SERPINB10: variants seen among roughly 807,000 people sequenced by gnomAD.
SERPINB10 encodes the protein serpin family B member 10.
In SERPINB10, 35 loss-of-function variants were observed where a neutral mutation model predicts 39.1. The ratio of observed to expected loss-of-function variants is 0.90; its 90% CI spans 0.68 to 1.19. The LOEUF (loss-of-function observed/expected upper bound fraction) is 1.19. SERPINB10 is among the 50% of genes most tolerant of loss of function. The probability of loss-of-function intolerance (pLI) is 0.00; values close to 1 mark genes in which losing one functional copy is unlikely to be tolerated. For missense variants in SERPINB10, 546 were observed against 460.5 expected (o/e 1.19, Z -1.70); for synonymous variants, 190 against 158.1 (o/e 1.20, Z -1.52).
chr18:63,936,008 C>T lies in SERPINB10; in HGVS notation c.*766C>T, dbSNP rs1218608359. On this transcript the variant is annotated 3_prime_UTR_variant, in exon 8 of 8. Transcript: ENST00000238508. ...GTACCGTGGTCATGTAAGATGTTAT[C>T]ACTTGGGGAAACTGTACTGGAGTAT... 1.3e-5 allele frequency: 2 copies of T among 152,242 alleles called. No individual in the cohort carries two copies. Among genetic ancestry groups the T allele is most frequent in the Non-Finnish European group, 2.9e-5 (2 of 68,042 alleles). 9.4% of individuals were successfully genotyped at this position (152,242 alleles called of 1,614,324 possible).
intron 2 of SERPINB10, 52 bp downstream of exon 2, chr18:63,915,730 A>G (rs767595552): frequency 1.1e-5 from 16 of 1,469,582 alleles, no homozygotes; most frequent in East Asian, 2.3e-5. Flanking sequence ...AAGTGCTTTC[A>G]TTGCCTTTTA....
In SERPINB10 at chr18:63,917,470, C is replaced by T. The variant is rs1296967202; in HGVS notation, c.183C>T (p.Asn61=). The change falls in exon 3 of 8, where the codon AAC becomes AAT. Residue 61 remains asparagine, a synonymous_variant. Transcript: ENST00000238508. ...TGAAATTACAGGTGCTTCAATTTAA[C>T]AGAGACCAGGGAGTCAAATGTGACC... ...AAQMAQVLQF[N]RDQGVKCDPE... 17 of 1,576,416 alleles carry T rather than the reference C, an allele frequency of 1.1e-5. No individual in the cohort carries two copies. The highest frequency in any genetic ancestry group is 1.5e-5 in the Non-Finnish European group (17 of 1,160,630).
intron 5 of SERPINB10, among the ~76,000 whole-genome samples, chr18:63,926,839 G>A (rs2050184797): frequency 6.6e-6 from 1 of 151,906 alleles, no homozygotes; most frequent in African/African-American, 2.4e-5. Context: ...TTGGATCAGT[G>A]GTGTATATAA....
Position 63,919,871 on chromosome 18 carries a change from G to A in SERPINB10, c.456G>A (p.Lys152=). The change falls in exon 5 of 8, where the codon AAG becomes AAA. Residue 152 remains lysine, a synonymous_variant. Transcript: ENST00000238508. ...NFVEASDQIR[K]DINSWVERQT... is the part of the protein sequence containing the mutation. ...TGGAAGCTTCTGATCAAATCAGAAA[G>A]GACATCAACTCTTGGGTTGAAAGAC... The A allele has an allele frequency of 1.2e-6, 2 of 1,610,436 alleles. No individual in the cohort carries two copies. Among genetic ancestry groups the A allele is most frequent in the Non-Finnish European group, 1.7e-6 (2 of 1,177,922 alleles).
chr18:63,919,236 A>ATTT (rs397969917), intron 4 of SERPINB10, among the ~76,000 whole-genome samples: 2,868 of 142,888 alleles, frequency 0.02, 121 homozygotes, highest in African/African-American at 0.068. Flanking sequence ...TGAAGGCCTC[A>ATTT]TTTTTTTTTT....
chr18:63,910,237 T>C (rs1403535680), intron 1 of SERPINB10, among the ~76,000 whole-genome samples: 1 of 152,014 alleles, frequency 6.6e-6, no homozygotes, highest in Admixed American at 6.6e-5. Context: ...AAGACCTAAC[T>C]CTACACAACT....
At position 63,933,045 on chromosome 18, in the gene SERPINB10, TAGAC is replaced by T. The variant is rs1438487751; in HGVS notation, c.634-2_635del. On this transcript the variant is annotated splice_acceptor_variant and coding_sequence_variant, in exon 7 of 8. Coordinates refer to ENST00000238508, the MANE Select transcript of SERPINB10 (RefSeq NM_005024.3). LOFTEE classifies it high-confidence loss of function. ...TGTTTTTTTGTTTTTTTGTTTTTTTTAGACTACAAGCAAACCAGTGCAAATGATG... is the reference window on the plus strand; with the variant it reads ...TGTTTTTTTGTTTTTTTGTTTTTTTTTACAAGCAAACCAGTGCAAATGATG... 23 of 1,606,468 alleles carry T rather than the reference TAGAC, an allele frequency of 1.4e-5. No individual in the cohort carries two copies. The highest frequency in any genetic ancestry group is 2.0e-5 in the Non-Finnish European group (23 of 1,178,292).
rs372354996 is a variant in SERPINB10, at chr18:63,917,416, C to G, written c.169-40C>G. ...TGATGTATGATTTATATAATTACTT[C>G]TCTGCAGTCTATTCATTTGTATTTT... On this transcript the variant is annotated intron_variant, in intron 2 of 7. Transcript: ENST00000238508. 4.2e-6 allele frequency: 5 copies of G among 1,178,548 alleles called. No homozygotes were observed. In the African/African-American group the frequency reaches 6.3e-5, roughly 15 times the overall value. 73.0% of individuals were successfully genotyped at this position (1,178,548 alleles called of 1,614,324 possible).
chr18:63,930,462 G>T (rs2050214388), intron 6 of SERPINB10, among the ~76,000 whole-genome samples: 1 of 152,088 alleles, frequency 6.6e-6, no homozygotes, highest in Non-Finnish European at 1.5e-5. Context: ...GAAATATAGT[G>T]TGGCCAAGTG....
At chr18:63,914,291 G>A (rs1335814843) in intron 1 of SERPINB10, among the ~76,000 whole-genome samples, 2 of 152,036 alleles carry the variant, frequency 1.3e-5, no homozygotes, top group African/African-American at 2.4e-5. Context: ...TATGTGAGGT[G>A]TTGATCCTAT....
chr18:63,928,920 A>C (rs1381674359), intron 5 of SERPINB10, among the ~76,000 whole-genome samples: 1 of 151,958 alleles, frequency 6.6e-6, no homozygotes, highest in Non-Finnish European at 1.5e-5. Flanking sequence ...GAAGTTGCTT[A>C]TCAGCTTAAG....
intron 5 of SERPINB10, among the ~76,000 whole-genome samples, chr18:63,928,940 A>G (rs2050199618): frequency 6.6e-6 from 1 of 152,090 alleles, no homozygotes; most frequent in South Asian, 2.1e-4. Context: ...GGAGATTTCA[A>G]TTTCGGTGGC....
At position 63,919,236 on chromosome 18, in the gene SERPINB10, A is replaced by ATTTTTTTTTTTTT. The variant is rs397969917; in HGVS notation, c.373-550_373-538dup. Among the ~76,000 whole-genome samples, 2 of 142,864 alleles carry ATTTTTTTTTTTTT rather than the reference A, an allele frequency of 1.4e-5. 1 individual carries two copies. Among genetic ancestry groups the ATTTTTTTTTTTTT allele is most frequent in the Non-Finnish European group, 3.1e-5 (2 of 65,004 alleles). 93.7% of individuals were successfully genotyped at this position (142,864 alleles called of 152,430 possible). A position where few individuals can be genotyped will look rare whatever the true frequency, so the allele number is the denominator to read the frequency against. On this transcript the variant is annotated intron_variant, in intron 4 of 7. Transcript: ENST00000238508. Reference sequence around the variant, plus strand: ...AGGACCAGGAGGAGGTGAAGGCCTCATTTTTTTTTTTTTTGCCTCAGAATG... The same window carrying ATTTTTTTTTTTTT: ...AGGACCAGGAGGAGGTGAAGGCCTCATTTTTTTTTTTTTTTTTTTTTTTTTTTGCCTCAGAATG...
intron 5 of SERPINB10, among the ~76,000 whole-genome samples, chr18:63,924,033 G>T (rs1282153627): frequency 6.6e-6 from 1 of 151,840 alleles, no homozygotes; most frequent in Non-Finnish European, 1.5e-5. Context: ...TGTAAATTTT[G>T]CTTATTGTTA....
rs2144743054 is a variant in SERPINB10 at position 63,934,962 on chromosome 18, C to A, written c.914C>A (p.Thr305Asn). ...GAAGACAGTTATGATCTCAAGTCAA[C>A]CCTGAGCAGTATGGGGATGAGTGAT... ...KLEDSYDLKS[T>N]LSSMGMSDAF... The change falls in exon 8 of 8, where the codon ACC (threonine) becomes AAC (asparagine). Residue 305 changes from threonine (T) to asparagine (N), a missense_variant. Coordinates refer to ENST00000238508, the MANE Select transcript of SERPINB10 (RefSeq NM_005024.3). 6.2e-7 allele frequency: 1 copy of A among 1,614,214 alleles called. No homozygotes were observed. The highest frequency in any genetic ancestry group is 8.5e-7 in the Non-Finnish European group (1 of 1,180,044).
intron 1 of SERPINB10, among the ~76,000 whole-genome samples, chr18:63,914,789 G>A (rs956134639): frequency 6.6e-6 from 1 of 151,996 alleles, no homozygotes; most frequent in Admixed American, 6.6e-5. Context: ...TGCAGGTGTG[G>A]TAGGCTGGCC....
intron 1 of SERPINB10, among the ~76,000 whole-genome samples, chr18:63,911,586 T>G (rs933990154): frequency 6.6e-6 from 1 of 152,072 alleles, no homozygotes; most frequent in African/African-American, 2.4e-5. Flanking sequence ...TAGATGTCTG[T>G]AGGTGTGCAG....
intron 5 of SERPINB10, among the ~76,000 whole-genome samples, chr18:63,927,756 T>C (rs2050191126): frequency 6.6e-6 from 1 of 152,152 alleles, no homozygotes; most frequent in South Asian, 2.1e-4. Flanking sequence ...TATATGTTTC[T>C]TGCATTCCTA....
chr18:63,925,130 T>A (rs2050171831), intron 5 of SERPINB10, among the ~76,000 whole-genome samples: 1 of 151,942 alleles, frequency 6.6e-6, no homozygotes, highest in South Asian at 2.1e-4. Flanking sequence ...AAATTACAAA[T>A]AAGGCAAAGA....
Sources: allele counts gnomAD v4.1 joint callset (sites outside exome capture counted in the v4.1 genomes callset), GRCh38; gene constraint gnomAD v4.1.1; transcripts MANE v1.5; gene names NCBI Gene and HGNC (gene_info 2026-07-23, HGNC 2026-07-21).